SLC12A2: variants seen among roughly 807,000 people sequenced by gnomAD.
SLC12A2 encodes Na-K-2Cl cotransporter 1.
Under a neutral mutation model 136.3 loss-of-function variants are expected in SLC12A2, and 67 were observed. The ratio of observed to expected loss-of-function variants is 0.49; its 90% CI spans 0.40 to 0.60. The LOEUF is 0.60. Among genes scored for constraint, SLC12A2 ranks in the 20% least tolerant of loss-of-function variants. SLC12A2 has a pLI of 0.00. For synonymous variants in SLC12A2, 619 were observed against 562.9 expected, an observed-to-expected ratio of 1.10 and a Z score of -1.41; for missense variants, 1,322 against 1,534.7, an observed-to-expected ratio of 0.86 and a Z score of 2.32.
At chr5:128,098,917 C>G (rs1760642659) in intron 1 of SLC12A2, among the ~76,000 whole-genome samples, 1 of 152,042 alleles carries the variant, frequency 6.6e-6, no homozygotes, top group African/African-American at 2.4e-5. Flanking sequence ...GCTCTATTTC[C>G]TGATATTTCA....
At chr5:128,125,171 A>C (rs1761740439) in intron 4 of SLC12A2, among the ~76,000 whole-genome samples, 1 of 152,248 alleles carries the variant, frequency 6.6e-6, no homozygotes, top group Non-Finnish European at 1.5e-5. Flanking sequence ...TAGGTCAGGC[A>C]GTCATTTTAG....
In SLC12A2 at chr5:128,083,939, C is replaced by CG; in HGVS notation, c.-11dup. On this transcript the variant is annotated 5_prime_UTR_variant, in exon 1 of 27. Transcript: ENST00000262461. ...CGTCCGCCGGGCTCTGCAGTTCCGC[C>CG]GGGGGTCGGGCAGCTATGGAGCCGC... The CG allele has an allele frequency of 8.1e-7, 1 of 1,228,426 alleles. No homozygotes were observed. The highest frequency in any genetic ancestry group is 1.0e-6 in the Non-Finnish European group (1 of 984,896). 76.1% of individuals were successfully genotyped at this position (1,228,426 alleles called of 1,614,324 possible). A position where few individuals can be genotyped will look rare whatever the true frequency, so the allele number is the denominator to read the frequency against.
chr5:128,151,855 T>C lies in SLC12A2; in HGVS notation c.2263+459T>C, dbSNP rs566509356. ...TAACAAAATACTAGAAGACATAGTA[T>C]CTTTCCCACTAGGTTACTGTGTAGC... is the stretch of plus-strand genomic sequence containing the variant. On this transcript the variant is annotated intron_variant, in intron 14 of 26. Transcript: ENST00000262461. Among the ~76,000 whole-genome samples, 4 of 152,278 alleles carry C rather than the reference T, an allele frequency of 2.6e-5. No individual in the cohort carries two copies. In the South Asian group the frequency reaches 8.3e-4, roughly 32 times the overall value.
In SLC12A2 at chr5:128,138,668, T is replaced by C. The variant is rs763637317; in HGVS notation, c.1480T>C (p.Phe494Leu). 1 of 1,613,380 alleles carries C rather than the reference T, an allele frequency of 6.2e-7. No homozygotes were observed. The highest frequency in any genetic ancestry group is 8.5e-7 in the Non-Finnish European group (1 of 1,179,578). ...EETFFSVFAIFFPAATGILAG... is the reference protein window; with the variant it reads ...EETFFSVFAILFPAATGILAG... ...GACTTTCTTTTCTGTATTTGCCATC[T>C]TTTTTCCTGCTGCAACTGGTATTCT... is the stretch of plus-strand genomic sequence containing the variant. The change falls in exon 8 of 27, where the codon TTT becomes CTT. Residue 494 changes from phenylalanine to leucine, a missense_variant. Coordinates refer to ENST00000262461, the MANE Select transcript of SLC12A2 (RefSeq NM_001046.3).
At chr5:128,109,985 C>T (rs1761085208) in intron 1 of SLC12A2, 3 of 1,036,792 alleles carry the variant, frequency 2.9e-6, no homozygotes, top group East Asian at 4.7e-5. Context: ...TGGCACATTT[C>T]CCTACTGTGG....
At chr5:128,183,024 T>C (rs1763754915) in intron 24 of SLC12A2, 83 bp downstream of exon 24, 1 of 834,954 alleles carries the variant, frequency 1.2e-6, no homozygotes. Flanking sequence ...CCAGAGATTT[T>C]TTTCCTGTTG....
Position 128,083,988 on chromosome 5 carries a change from G to T in SLC12A2, c.34G>T (p.Ala12Ser). Residue 12 changes from alanine to serine, a missense_variant, in exon 1 of 27, where the codon GCC becomes TCC. Ala to Ser is a moderately conservative substitution (Grantham distance 99, BLOSUM62 1). Transcript: ENST00000262461. ...EPRPTAPSSGAPGLAGVGETP... is the reference protein window; with the variant it reads ...EPRPTAPSSGSPGLAGVGETP... ...GCGGCCCACGGCGCCCTCCTCCGGC[G>T]CCCCGGGACTGGCCGGGGTCGGGGA... 2 of 1,243,244 alleles carry T rather than the reference G, an allele frequency of 1.6e-6. No individual in the cohort carries two copies. Among genetic ancestry groups the T allele is most frequent in the South Asian group, 3.2e-5 (1 of 30,886 alleles). The allele number at this position is 1,243,244 out of a possible 1,614,324, so 77.0% of individuals were successfully genotyped here.
At chr5:128,163,561 T>C (rs1274293593) in intron 17 of SLC12A2, among the ~76,000 whole-genome samples, 1 of 151,884 alleles carries the variant, frequency 6.6e-6, no homozygotes, top group African/African-American at 2.4e-5. Flanking sequence ...GCAACGTCAT[T>C]TGTAATAGTG....
At chr5:128,165,004 G>A (rs867878043) in intron 17 of SLC12A2, among the ~76,000 whole-genome samples, 1 of 151,766 alleles carries the variant, frequency 6.6e-6, no homozygotes, top group Non-Finnish European at 1.5e-5. Flanking sequence ...TACCATGGCT[G>A]GCTAGTTTTT....
At chr5:128,119,100 A>G (rs1761459088) in intron 4 of SLC12A2, among the ~76,000 whole-genome samples, 2 of 136,702 alleles carry the variant, frequency 1.5e-5, no homozygotes, top group African/African-American at 3.3e-5. Flanking sequence ...TGGATTTCCT[A>G]CAGCTCAACT....
intron 16 of SLC12A2, among the ~76,000 whole-genome samples, chr5:128,160,081 CT>C (rs1261543677): frequency 6.6e-6 from 1 of 152,102 alleles, no homozygotes; most frequent in Non-Finnish European, 1.5e-5. Flanking sequence ...AGTTCATGTC[CT>C]TTGCAGGGAC....
In SLC12A2 at chr5:128,141,926, A is replaced by C; in HGVS notation, c.1718A>C (p.Asp573Ala). ...TCTGCAGCCTGCAAATTAAACTTTG[A>C]TTTTTCATCTTGTGAAAGCAGTCCT... Reference protein sequence around the residue: ...CTSAACKLNFDFSSCESSPCS... With the variant: ...CTSAACKLNFAFSSCESSPCS... The change falls in exon 10 of 27, where the codon GAT becomes GCT. Residue 573 changes from aspartate to alanine, a missense_variant. Transcript: ENST00000262461. 6.2e-7 allele frequency: 1 copy of C among 1,613,968 alleles called. No individual in the cohort carries two copies.
At chr5:128,133,696 TA>T (rs1485739753) in intron 5 of SLC12A2, among the ~76,000 whole-genome samples, 3 of 152,084 alleles carry the variant, frequency 2.0e-5, no homozygotes, top group Admixed American at 6.5e-5. Flanking sequence ...GATATTAAAC[TA>T]CAAATAATTT....
intron 1 of SLC12A2, among the ~76,000 whole-genome samples, chr5:128,105,401 T>C (rs1760895372): frequency 6.6e-6 from 1 of 151,622 alleles, no homozygotes; most frequent in South Asian, 2.1e-4. Flanking sequence ...GGTAGAAGAG[T>C]GTGTTGTTTC....
At chr5:128,106,703 A>G (rs926984561) in intron 1 of SLC12A2, among the ~76,000 whole-genome samples, 13 of 152,286 alleles carry the variant, frequency 8.5e-5, no homozygotes, top group African/African-American at 2.9e-4. Flanking sequence ...TTGTTCTTAC[A>G]ACATAGTTGT....
chr5:128,164,790 A>T (rs1763149201), intron 17 of SLC12A2, among the ~76,000 whole-genome samples: 1 of 151,168 alleles, frequency 6.6e-6, no homozygotes. Flanking sequence ...AATCTTAAGC[A>T]TCTATTTATC....
chr5:128,154,242 A>G (rs1474114752), intron 15 of SLC12A2, among the ~76,000 whole-genome samples: 1 of 152,048 alleles, frequency 6.6e-6, no homozygotes, highest in Non-Finnish European at 1.5e-5. Flanking sequence ...GCTAGGCAAC[A>G]TAGTGAGATC....
chr5:128,165,079 C>T (rs957606376), intron 17 of SLC12A2, among the ~76,000 whole-genome samples: 5 of 151,982 alleles, frequency 3.3e-5, no homozygotes, highest in Non-Finnish European at 7.4e-5. Flanking sequence ...TGAGCTTGAA[C>T]AATCCTCCTA....
At chr5:128,111,903 GTTC>G (rs142386383) in intron 1 of SLC12A2, among the ~76,000 whole-genome samples, 1,623 of 151,796 alleles carry the variant, frequency 0.011, 28 homozygotes, top group African/African-American at 0.038. Flanking sequence ...AATTTAGTTG[GTTC>G]TTCTGCATTT....
Sources: gnomAD v4.1 joint callset for allele counts (sites outside exome capture counted in the v4.1 genomes callset) on GRCh38, gnomAD v4.1.1 for gene constraint, MANE v1.5 for transcripts, NCBI Gene and HGNC (gene_info 2026-07-23, HGNC 2026-07-21) for gene names.